The following DEPDC5 variants were observed in gnomAD, a reference collection of about 807,000 sequenced individuals.
DEPDC5 encodes DEP domain containing 5, GATOR1 subcomplex subunit.
In DEPDC5, 73 loss-of-function variants were observed where a neutral mutation model predicts 217.3. That is an observed-to-expected ratio of 0.34 (90% CI 0.28 to 0.41). DEPDC5 has a LOEUF of 0.41. Ranked by LOEUF, DEPDC5 falls within the 10% of genes least tolerant of loss-of-function variation. The probability of loss-of-function intolerance (pLI) is 1.00; values close to 1 mark genes in which losing one functional copy is unlikely to be tolerated. For missense variants in DEPDC5, 1,675 were observed against 2,070.1 expected (o/e 0.81, Z 3.70); for synonymous variants, 733 against 756.7 (o/e 0.97, Z 0.51).
intron 8 of DEPDC5, among the ~76,000 whole-genome samples, chr22:31,783,554 G>A (rs921588874): frequency 2.0e-5 from 3 of 152,084 alleles, no homozygotes; most frequent in African/African-American, 7.2e-5. Context: ...CCAGCTACTC[G>A]AGAGGCTGAA....
chr22:31,895,389 A>G lies in DEPDC5; in HGVS notation c.4203+1638A>G, dbSNP rs535249232. 1.3e-3 allele frequency among the ~76,000 whole-genome samples: 201 copies of G among 152,260 alleles called. No homozygotes were observed. The highest frequency in any genetic ancestry group is 3.4e-3 in the Middle Eastern group (1 of 294). Reference sequence around the variant, plus strand: ...CCTGGCCTGCATCTGTAATCAGGCCATTCACTGCTCCTACACTAAGAAGCC... The same window carrying G: ...CCTGGCCTGCATCTGTAATCAGGCCGTTCACTGCTCCTACACTAAGAAGCC... On this transcript the variant is annotated intron_variant, in intron 39 of 42. Coordinates refer to ENST00000651528, the MANE Select transcript of DEPDC5 (RefSeq NM_001242896.3).
intron 24 of DEPDC5, among the ~76,000 whole-genome samples, chr22:31,828,433 C>T (rs1431795020): frequency 1.2e-5 from 1 of 86,510 alleles, no homozygotes; most frequent in South Asian, 4.0e-4. Context: ...GCCTAGGCAA[C>T]AAGAGCAAAA....
intron 19 of DEPDC5, 38 bp downstream of exon 19, chr22:31,809,685 AAG>A: frequency 1.2e-6 from 2 of 1,611,238 alleles, no homozygotes; most frequent in African/African-American, 1.3e-5. Context: ...TGCTTTTAAA[AAG>A]AGAGTCAGCT....
intron 22 of DEPDC5, among the ~76,000 whole-genome samples, chr22:31,820,776 G>T (rs1794240157): frequency 6.6e-6 from 1 of 152,184 alleles, no homozygotes; most frequent in Non-Finnish European, 1.5e-5. Flanking sequence ...CAAACAGTTT[G>T]CTTCGCTTCT....
In DEPDC5 at chr22:31,901,815, G is replaced by T. The variant is rs760737959; in HGVS notation, c.4436+13G>T. ...CCATTGCACACAGGTTTGTCCCTTA[G>T]CAAGTGTGAAGAGTGGGAAGGAAAT... On this transcript the variant is annotated intron_variant, in intron 41 of 42. Transcript: ENST00000651528. The T allele has an allele frequency of 1.4e-5, 22 of 1,612,118 alleles. No individual in the cohort carries two copies. In the East Asian group the frequency reaches 4.9e-4, roughly 36 times the overall value.
At chr22:31,785,380 A>T (rs945278390) in intron 10 of DEPDC5, among the ~76,000 whole-genome samples, 3 of 152,232 alleles carry the variant, frequency 2.0e-5, no homozygotes, top group African/African-American at 7.2e-5. Flanking sequence ...ACAATCTGAA[A>T]GAATAAAATA....
chr22:31,874,344 A>G lies in DEPDC5; in HGVS notation c.3635A>G (p.His1212Arg). Residue 1212 changes from histidine (H) to arginine (R), a missense_variant, in exon 36 of 43, where the codon CAC (histidine) becomes CGC (arginine). By Grantham distance (29) the His-to-Arg change is conservative (BLOSUM62 0). This residue lies in a region of DEPDC5 where 194 missense variants were observed against 199.3 expected (regional missense o/e 0.97). Coordinates refer to ENST00000651528, the MANE Select transcript of DEPDC5 (RefSeq NM_001242896.3). ...PYCFISAEVV[H>R]WLVNHVEGIQ... is the part of the protein sequence containing the mutation. ...TGCTTCATCAGCGCGGAGGTGGTAC[A>G]CTGGTTGGTGAACCACGTGGAGGGG... 2 of 1,611,668 alleles carry G rather than the reference A, an allele frequency of 1.2e-6. No homozygotes were observed. The highest frequency in any genetic ancestry group is 1.7e-6 in the Non-Finnish European group (2 of 1,178,992).
intron 31 of DEPDC5, among the ~76,000 whole-genome samples, chr22:31,850,854 A>G (rs904271745): frequency 6.6e-6 from 1 of 152,164 alleles, no homozygotes; most frequent in African/African-American, 2.4e-5. Context: ...GTGGAACACA[A>G]GGTCAAGAGA....
Position 31,845,099 on chromosome 22 carries a change from G to T in DEPDC5, c.2883G>T (p.Glu961Asp), listed in dbSNP as rs1001613069. ...TCACCGCCACCAAGCGCATCACGGA[G>T]GGGGAGGCCCACTGCGACATCTATG... ...ACVTATKRITEGEAHCDIYGD... is the reference protein window; with the variant it reads ...ACVTATKRITDGEAHCDIYGD... Residue 961 changes from glutamate (E) to aspartate (D), a missense_variant, in exon 30 of 43, where the codon GAG (glutamate) becomes GAT (aspartate). Physicochemically the swap from Glu to Asp is conservative, Grantham distance 45 (BLOSUM62 2). This residue lies in a region of DEPDC5 where 293 missense variants were observed against 386.1 expected (regional missense o/e 0.76). Coordinates refer to ENST00000651528, the MANE Select transcript of DEPDC5 (RefSeq NM_001242896.3). 1 of 1,614,144 alleles carries T rather than the reference G, an allele frequency of 6.2e-7. No individual in the cohort carries two copies. Among genetic ancestry groups the T allele is most frequent in the Middle Eastern group, 1.7e-4 (1 of 6,060 alleles).
intron 37 of DEPDC5, 129 bp from the exon 38 acceptor site, chr22:31,879,396 A>G (rs2093111310): frequency 8.8e-6 from 7 of 795,580 alleles, no homozygotes; most frequent in South Asian, 8.2e-5. Context: ...GGAACTATAC[A>G]GTATGTGGCC....
chr22:31,839,358 T>A (rs1001020556), intron 27 of DEPDC5, among the ~76,000 whole-genome samples: 2 of 152,242 alleles, frequency 1.3e-5, no homozygotes, highest in Admixed American at 6.5e-5. Context: ...AGAGAATCGG[T>A]GTTGCTAATT....
intron 24 of DEPDC5, among the ~76,000 whole-genome samples, chr22:31,824,796 C>T (rs1277992959): frequency 2.6e-5 from 4 of 151,510 alleles, no homozygotes; most frequent in Non-Finnish European, 1.5e-5. Context: ...TGAAACCTGT[C>T]TCTACCAAAA....
intron 37 of DEPDC5, among the ~76,000 whole-genome samples, chr22:31,878,403 A>G (rs2093064795): frequency 6.6e-6 from 1 of 152,184 alleles, no homozygotes; most frequent in Non-Finnish European, 1.5e-5. Flanking sequence ...AATTTGAGGT[A>G]TGAAACTGAT....
At chr22:31,892,803 A>G (rs1422691135) in intron 38 of DEPDC5, among the ~76,000 whole-genome samples, 1 of 150,866 alleles carries the variant, frequency 6.6e-6, no homozygotes, top group Non-Finnish European at 1.5e-5. Context: ...CAATCCATAA[A>G]CCTACATTGA....
At chr22:31,773,175 A>G (rs1176530823) in intron 7 of DEPDC5, among the ~76,000 whole-genome samples, 1 of 152,112 alleles carries the variant, frequency 6.6e-6, no homozygotes, top group African/African-American at 2.4e-5. Context: ...ACAGATTGTC[A>G]CTTTTTAACT....
chr22:31,760,417 G>T (rs2082293148), intron 3 of DEPDC5, among the ~76,000 whole-genome samples: 1 of 152,012 alleles, frequency 6.6e-6, no homozygotes, highest in African/African-American at 2.4e-5. Context: ...TGTTAGCCAG[G>T]ATGGTCTCGA....
intron 15 of DEPDC5, among the ~76,000 whole-genome samples, chr22:31,803,870 T>C (rs931806171): frequency 6.6e-6 from 1 of 152,252 alleles, no homozygotes; most frequent in African/African-American, 2.4e-5. Context: ...CTTAAAAATT[T>C]AAACATGGAA....
At chr22:31,796,047 A>G (rs1057330420) in intron 12 of DEPDC5, among the ~76,000 whole-genome samples, 12 of 143,446 alleles carry the variant, frequency 8.4e-5, no homozygotes, top group African/African-American at 3.1e-4. Flanking sequence ...TTCATTTTCT[A>G]TTTACTGTAT....
chr22:31,867,851 C>G (rs5998153), intron 33 of DEPDC5, among the ~76,000 whole-genome samples: 28,834 of 152,060 alleles, frequency 0.19, 3,255 homozygotes, highest in African/African-American at 0.31. Flanking sequence ...ATGGCCTTCA[C>G]GTTAGGCTGG....
Sources: allele counts gnomAD v4.1 joint callset (sites outside exome capture counted in the v4.1 genomes callset), GRCh38; gene constraint gnomAD v4.1.1; regional missense constraint gnomAD v4.1.1; transcripts MANE v1.5; gene names NCBI Gene and HGNC (gene_info 2026-07-23, HGNC 2026-07-21).